Variants in COL24A1 observed in about 807,000 individuals in gnomAD.
COL24A1 encodes the protein collagen alpha-1(XXIV) chain.
In COL24A1, 224 loss-of-function variants were observed where a neutral mutation model predicts 253.9. The observed-to-expected ratio is 0.88, with a 90% CI of 0.79 to 0.99. The LOEUF (loss-of-function observed/expected upper bound fraction) is 0.99. Among genes scored for constraint, COL24A1 ranks in the 50% least tolerant of loss-of-function variants. COL24A1 has a pLI of 0.00. For synonymous variants in COL24A1, 685 were observed against 673.7 expected, an observed-to-expected ratio of 1.02 and a Z score of -0.26; for missense variants, 2,131 against 2,068.5, an observed-to-expected ratio of 1.03 and a Z score of -0.59.
At chr1:86,041,104 C>A (rs1343570947) in intron 12 of COL24A1, among the ~76,000 whole-genome samples, 1 of 152,108 alleles carries the variant, frequency 6.6e-6, no homozygotes, top group Non-Finnish European at 1.5e-5. Context: ...AAAAGAGGAG[C>A]AGGCTCTCCT....
At chr1:85,942,796 A>T (rs548709115) in intron 24 of COL24A1, among the ~76,000 whole-genome samples, 1 of 152,310 alleles carries the variant, frequency 6.6e-6, no homozygotes, top group East Asian at 1.9e-4. Context: ...ATCACATTAC[A>T]GTGGAACTAC....
chr1:86,113,542 A>G (rs1174296171), intron 4 of COL24A1, among the ~76,000 whole-genome samples: 1 of 152,194 alleles, frequency 6.6e-6, no homozygotes, highest in African/African-American at 2.4e-5. Flanking sequence ...AAGAAAAAAG[A>G]TTAAATTTTG....
At chr1:85,902,375 A>T (rs1684403905) in intron 28 of COL24A1, among the ~76,000 whole-genome samples, 1 of 152,162 alleles carries the variant, frequency 6.6e-6, no homozygotes, top group African/African-American at 2.4e-5. Flanking sequence ...CACCTGTTTT[A>T]CACCCCCTCG....
intron 37 of COL24A1, among the ~76,000 whole-genome samples, chr1:85,849,666 A>G (rs1052069091): frequency 2.6e-5 from 4 of 152,206 alleles, no homozygotes; most frequent in Non-Finnish European, 5.9e-5. Flanking sequence ...TAGGTGGAAC[A>G]TTACTTAGAT....
intron 37 of COL24A1, among the ~76,000 whole-genome samples, chr1:85,867,335 C>T (rs17128439): frequency 0.02 from 3,091 of 152,294 alleles, 100 homozygotes; most frequent in African/African-American, 0.068. Context: ...CTTTACTGAG[C>T]CCCAATGTGG....
intron 55 of COL24A1, among the ~76,000 whole-genome samples, chr1:85,755,459 A>G (rs1333750572): frequency 6.6e-6 from 1 of 152,216 alleles, no homozygotes; most frequent in African/African-American, 2.4e-5. Context: ...TAGAGGCATC[A>G]TGTTTCCTGA....
intron 37 of COL24A1, among the ~76,000 whole-genome samples, chr1:85,854,120 C>T (rs1017273795): frequency 6.6e-6 from 1 of 152,050 alleles, no homozygotes; most frequent in Non-Finnish European, 1.5e-5. Flanking sequence ...GCATTTAATC[C>T]ATCTTAAATT....
At chr1:85,768,982 G>T (rs1667670220) in intron 53 of COL24A1, among the ~76,000 whole-genome samples, 1 of 104,078 alleles carries the variant, frequency 9.6e-6, no homozygotes, top group Non-Finnish European at 2.1e-5. Flanking sequence ...TTCTCTCAGG[G>T]AGCTGAGCAC....
chr1:85,833,279 A>G (rs1034964102), intron 43 of COL24A1, among the ~76,000 whole-genome samples: 1 of 152,238 alleles, frequency 6.6e-6, no homozygotes, highest in African/African-American at 2.4e-5. Flanking sequence ...ACAAGAAAAA[A>G]ACAACCCCAT....
rs766007512 is a variant in COL24A1 at position 85,730,586 on chromosome 1, C to T, written c.5105G>A (p.Arg1702Gln). Residue 1702 changes from arginine (R) to glutamine (Q), a missense_variant, in exon 60 of 60, where the codon CGA becomes CAA. Physicochemically the swap from Arg to Gln is conservative, Grantham distance 43. Coordinates refer to ENST00000370571, the MANE Select transcript of COL24A1 (RefSeq NM_152890.7). ...VQKLPHLKTE[R>Q]KYYIDSSSVC... ...AGAACTGCTGTCAATGTAATACTTT[C>T]GTTCAGTTTTGAGATGAGGAAGTTT... The T allele has an allele frequency of 1.4e-5, 22 of 1,613,802 alleles. No individual in the cohort carries two copies. Among genetic ancestry groups the T allele is most frequent in the East Asian group, 2.2e-5 (1 of 44,864 alleles).
chr1:86,107,815 T>C (rs139132574), intron 5 of COL24A1, among the ~76,000 whole-genome samples: 109 of 152,300 alleles, frequency 7.2e-4, no homozygotes, highest in Admixed American at 9.8e-4. Flanking sequence ...TTTTTAATAC[T>C]TGTCACAAAT....
intron 20 of COL24A1, among the ~76,000 whole-genome samples, chr1:85,985,100 A>T (rs1265812301): frequency 6.6e-6 from 1 of 151,924 alleles, no homozygotes; most frequent in Non-Finnish European, 1.5e-5. Flanking sequence ...ACATAAGCAC[A>T]TCAGAAGTTA....
intron 20 of COL24A1, among the ~76,000 whole-genome samples, chr1:85,975,282 A>T (rs1408398094): frequency 6.6e-6 from 1 of 152,196 alleles, no homozygotes; most frequent in Non-Finnish European, 1.5e-5. Context: ...AAAGAAAGAA[A>T]ATCAGTATAT....
chr1:85,896,160 A>G (rs1683683700), intron 29 of COL24A1, 95 bp from the exon 30 acceptor site: 1 of 1,335,322 alleles, frequency 7.5e-7, no homozygotes, highest in Non-Finnish European at 1.0e-6. Context: ...TACAAAAAAG[A>G]CAGTAAGTAT....
At position 85,782,706 on chromosome 1, in the gene COL24A1, C is replaced by A. The variant is rs1161646248; in HGVS notation, c.4284+790G>T. Among the ~76,000 whole-genome samples, 7 of 152,284 alleles carry A rather than the reference C, an allele frequency of 4.6e-5. No homozygotes were observed. The East Asian group carries it at 1.3e-3, about 29-fold the overall frequency. On this transcript the variant is annotated intron_variant, in intron 51 of 59. Coordinates refer to ENST00000370571, the MANE Select transcript of COL24A1 (RefSeq NM_152890.7). Reference sequence around the variant, plus strand: ...TAATAGTTATTTAAGATACCTTTATCCTACATCTGCACTGCTTCCCTTTTT... The same window carrying A: ...TAATAGTTATTTAAGATACCTTTATACTACATCTGCACTGCTTCCCTTTTT...
In COL24A1 at chr1:85,828,520, G is replaced by C. The variant is rs943220368; in HGVS notation, c.3682-4782C>G. Among the ~76,000 whole-genome samples the C allele has an allele frequency of 2.6e-5, 4 of 151,510 alleles. 1 individual carries two copies. The South Asian group carries it at 8.4e-4, about 32-fold the overall frequency. ...GTTGATCTGTCTAATGTTGACAGTG[G>C]GGTGTTAAAGTCTCCCATTATTATT... On this transcript the variant is annotated intron_variant, in intron 43 of 59. Transcript: ENST00000370571.
chr1:86,012,990 C>A (rs944620923), intron 19 of COL24A1, among the ~76,000 whole-genome samples: 3 of 152,162 alleles, frequency 2.0e-5, no homozygotes, highest in Admixed American at 1.3e-4. Flanking sequence ...ACATACTGAA[C>A]ATTTCCTATT....
Position 85,875,303 on chromosome 1 carries a change from C to T in COL24A1, c.3058G>A (p.Gly1020Ser). Residue 1020 changes from glycine (G) to serine (S), a missense_variant, in exon 34 of 60, where the codon GGT (glycine) becomes AGT (serine). By Grantham distance (56) the Gly-to-Ser change is moderately conservative. Coordinates refer to ENST00000370571, the MANE Select transcript of COL24A1 (RefSeq NM_152890.7). The stretch of plus-strand genomic sequence containing the variant: ...TTTGCACCTGGTTCACCTTGCAGAC[C>T]AGACTCTCCCTCAGTGCCTGGAGGT... ...EGPPGTEGES[G>S]LQGEPGAKGD... The T allele has an allele frequency of 6.2e-7, 1 of 1,613,782 alleles. No individual in the cohort carries two copies. Among genetic ancestry groups the T allele is most frequent in the South Asian group, 1.1e-5 (1 of 91,068 alleles).
intron 57 of COL24A1, among the ~76,000 whole-genome samples, chr1:85,742,156 CAG>C (rs1664719836): frequency 7.4e-6 from 1 of 135,500 alleles, no homozygotes; most frequent in African/African-American, 2.7e-5. Flanking sequence ...TCTTTTGAGA[CAG>C]AGTCTCACTC....
Sources: gnomAD v4.1 joint callset for allele counts (sites outside exome capture counted in the v4.1 genomes callset) on GRCh38, gnomAD v4.1.1 for gene constraint, MANE v1.5 for transcripts, NCBI Gene and HGNC (gene_info 2026-07-23, HGNC 2026-07-21) for gene names.